The following TAFA5 variants were observed in gnomAD, a reference collection of about 807,000 sequenced individuals.
The protein encoded by TAFA5 is TAFA chemokine like family member 5.
TAFA5 carries 6 observed loss-of-function variants against 15.3 expected under a neutral mutation model. The ratio of observed to expected loss-of-function variants is 0.39; its 90% confidence interval spans 0.21 to 0.77. The LOEUF is 0.77. Ranked by LOEUF, TAFA5 falls within the 30% of genes least tolerant of loss-of-function variation. The pLI is 0.41. For missense variants in TAFA5, 161 were observed against 193.1 expected (o/e 0.83, Z 0.98); for synonymous variants, 103 against 80.7 (o/e 1.28, Z -1.48).
intron 1 of TAFA5, among the ~76,000 whole-genome samples, chr22:48,646,121 C>T (rs753181268): frequency 5.3e-5 from 8 of 152,172 alleles, no homozygotes; most frequent in Non-Finnish European, 1.2e-4. Flanking sequence ...TTTTGACAAG[C>T]CTGAGCGGGG....
At chr22:48,562,911 C>T (rs990263131) in intron 1 of TAFA5, among the ~76,000 whole-genome samples, 3 of 152,312 alleles carry the variant, frequency 2.0e-5, no homozygotes, top group East Asian at 3.9e-4. Context: ...CTCACAGCCC[C>T]GGGACCCCGG....
rs531784993 is a variant in TAFA5, at chr22:48,524,012, C to G, written c.112+34308C>G. On this transcript the variant is annotated intron_variant, in intron 1 of 3. Transcript: ENST00000402357. The stretch of plus-strand genomic sequence containing the variant: ...CAACCTGCCCCGGGGCCGGGCTGGC[C>G]TGTGATGCCTGTCAGAGGGCGGAAG... 2.0e-5 allele frequency among the ~76,000 whole-genome samples: 3 copies of G among 152,364 alleles called. No homozygotes were observed. The South Asian group carries it at 6.2e-4, about 32-fold the overall frequency.
intron 1 of TAFA5, among the ~76,000 whole-genome samples, chr22:48,602,302 C>T (rs1925003562): frequency 6.6e-6 from 1 of 152,228 alleles, no homozygotes; most frequent in African/African-American, 2.4e-5. Flanking sequence ...CACCCCCCCA[C>T]AAGCACACCA....
chr22:48,610,202 C>T (rs1925347674), intron 1 of TAFA5, among the ~76,000 whole-genome samples: 1 of 152,078 alleles, frequency 6.6e-6, no homozygotes, highest in Non-Finnish European at 1.5e-5. Flanking sequence ...CGAGAAGGGC[C>T]TGGCTGCACT....
chr22:48,678,668 C>T (rs576475809), intron 2 of TAFA5, among the ~76,000 whole-genome samples: 1 of 151,526 alleles, frequency 6.6e-6, no homozygotes, highest in African/African-American at 2.4e-5. Flanking sequence ...ACCCACAGGA[C>T]GGAAGCCCTG....
intron 1 of TAFA5, among the ~76,000 whole-genome samples, chr22:48,540,046 A>G (rs927737449): frequency 6.6e-6 from 1 of 152,168 alleles, no homozygotes; most frequent in African/African-American, 2.4e-5. Context: ...GGGAAGGGTT[A>G]GGAGCAGCCG....
intron 1 of TAFA5, among the ~76,000 whole-genome samples, chr22:48,551,491 C>T (rs1032991539): frequency 2.6e-5 from 4 of 152,298 alleles, no homozygotes; most frequent in African/African-American, 7.2e-5. Context: ...CAGGTGATGG[C>T]GGCTCGCTGG....
chr22:48,528,377 G>T (rs936857827), intron 1 of TAFA5, among the ~76,000 whole-genome samples: 21 of 152,238 alleles, frequency 1.4e-4, no homozygotes, highest in African/African-American at 5.1e-4. Context: ...ATTCCCCGAT[G>T]CCTGTGTATA....
At chr22:48,504,470 C>A (rs1321200366) in intron 1 of TAFA5, among the ~76,000 whole-genome samples, 1 of 152,172 alleles carries the variant, frequency 6.6e-6, no homozygotes, top group African/African-American at 2.4e-5. Context: ...TGAAGGAGTC[C>A]AATGACATTC....
chr22:48,635,359 A>G (rs761785), intron 1 of TAFA5, among the ~76,000 whole-genome samples: 129,422 of 152,204 alleles, frequency 0.85, 55,384 homozygotes, highest in East Asian at 1. Flanking sequence ...GGGAGGAGCT[A>G]GGGCTTCCCA....
chr22:48,513,093 C>T (rs2147102616), intron 1 of TAFA5, among the ~76,000 whole-genome samples: 1 of 152,224 alleles, frequency 6.6e-6, no homozygotes, highest in South Asian at 2.1e-4. Flanking sequence ...TGCGTTTCTT[C>T]CCAGGCACAG....
chr22:48,714,579 G>A (rs891367938), intron 3 of TAFA5, among the ~76,000 whole-genome samples: 3 of 152,192 alleles, frequency 2.0e-5, no homozygotes, highest in African/African-American at 2.4e-5. Context: ...ACCCTGCAGC[G>A]GAAACACAGC....
rs1170729953 is a variant in TAFA5 at position 48,742,242 on chromosome 22, G to T, written c.391-7597G>T. 6.6e-6 allele frequency among the ~76,000 whole-genome samples: 1 copy of T among 150,622 alleles called. No individual in the cohort carries two copies. Among genetic ancestry groups the T allele is most frequent in the Non-Finnish European group, 1.5e-5 (1 of 67,720 alleles). On this transcript the variant is annotated intron_variant, in intron 3 of 3. Transcript: ENST00000402357. This position sits in a 1 kb window ranked among gnomAD's most constrained non-coding sequence, Gnocchi z 6.2. ...AGGCACAGCCCTGCCCCACCCCACA[G>T]GCCCCTCATCCTTCACCAGGCACAG...
At chr22:48,672,655 C>T (rs535430709) in intron 2 of TAFA5, among the ~76,000 whole-genome samples, 12 of 152,346 alleles carry the variant, frequency 7.9e-5, no homozygotes, top group African/African-American at 2.6e-4. Context: ...CTCCTTTGCT[C>T]ATCACCCCTC....
Position 48,646,474 on chromosome 22 carries a change from A to G in TAFA5, c.113-123A>G, listed in dbSNP as rs182172974. 720 of 1,223,964 alleles carry G rather than the reference A, an allele frequency of 5.9e-4. 5 individuals are homozygous for G. The African/African-American group carries it at 9.5e-3, about 16-fold the overall frequency. The allele number at this position is 1,223,964 out of a possible 1,614,324, so 75.8% of individuals were successfully genotyped here. On this transcript the variant is annotated intron_variant, in intron 1 of 3. Transcript: ENST00000402357. ...GCTTTCGGACGCTCCCTCTGAGTGAAGCGGTCTCCCTGCCCTGTGGCCTGG... is the reference window on the plus strand; with the variant it reads ...GCTTTCGGACGCTCCCTCTGAGTGAGGCGGTCTCCCTGCCCTGTGGCCTGG...
chr22:48,534,839 G>A (rs73888445), intron 1 of TAFA5, among the ~76,000 whole-genome samples: 46 of 152,272 alleles, frequency 3.0e-4, no homozygotes, highest in African/African-American at 1.1e-3. Flanking sequence ...GAGCAGCTGC[G>A]CTCAGCGACT....
chr22:48,525,457 CGCCTTCTGGACTCT>C (rs1208851722), intron 1 of TAFA5, among the ~76,000 whole-genome samples: 3 of 152,198 alleles, frequency 2.0e-5, no homozygotes, highest in African/African-American at 7.2e-5. Flanking sequence ...CCACCTGCTC[CGCCTTCTGGACTCT>C]GCTTCCAGTG....
intron 1 of TAFA5, among the ~76,000 whole-genome samples, chr22:48,610,998 G>A (rs1925386722): frequency 6.6e-6 from 1 of 151,262 alleles, no homozygotes; most frequent in African/African-American, 2.4e-5. Context: ...CAGTGGTGCA[G>A]TCTCGGCTCG....
intron 2 of TAFA5, among the ~76,000 whole-genome samples, chr22:48,647,738 C>A (rs1043769385): frequency 1.3e-5 from 2 of 149,572 alleles, no homozygotes; most frequent in Non-Finnish European, 3.0e-5. Context: ...AGCCATGTGC[C>A]AGTCCAGGCA....
Sources: allele counts gnomAD v4.1 joint callset (sites outside exome capture counted in the v4.1 genomes callset), GRCh38; gene constraint gnomAD v4.1.1; non-coding constraint Gnocchi (gnomAD v3.1); transcripts MANE v1.5; gene names NCBI Gene and HGNC (gene_info 2026-07-23, HGNC 2026-07-21).